Variants in ZBTB16 observed in about 807,000 individuals in gnomAD.
ZBTB16 encodes zinc finger and BTB domain-containing protein 16.
A neutral mutation model predicts 56.8 loss-of-function variants in ZBTB16; 8 were observed. That is an observed-to-expected ratio of 0.14 (90% CI 0.08 to 0.25). The LOEUF is 0.25. ZBTB16 is among the 10% of genes least tolerant of loss of function. The pLI is 1.00. For missense variants in ZBTB16, 625 were observed against 903.0 expected (o/e 0.69, Z 3.95); for synonymous variants, 363 against 368.5 (o/e 0.98, Z 0.17).
intron 4 of ZBTB16, chr11:114,189,198 T>C (rs947195421): frequency 6.6e-5 from 10 of 152,194 alleles, no homozygotes; most frequent in African/African-American, 2.2e-4. Flanking sequence ...GAGGAACTTA[T>C]AGCTAGAAAT....
intron 4 of ZBTB16, among the ~76,000 whole-genome samples, chr11:114,219,512 T>G (rs1288716813): frequency 6.6e-6 from 1 of 152,040 alleles, no homozygotes; most frequent in Non-Finnish European, 1.5e-5. Context: ...CTTATTCCAA[T>G]CAGAAGATTT....
At chr11:114,206,868 A>G (rs981484327) in intron 4 of ZBTB16, among the ~76,000 whole-genome samples, 1 of 152,142 alleles carries the variant, frequency 6.6e-6, no homozygotes, top group African/African-American at 2.4e-5. Context: ...TGCACACAGC[A>G]TTTCCCCCAT....
chr11:114,168,437 A>G (rs1942854570), intron 3 of ZBTB16, among the ~76,000 whole-genome samples: 1 of 152,196 alleles, frequency 6.6e-6, no homozygotes, highest in Non-Finnish European at 1.5e-5. Context: ...GGAAGGAGAG[A>G]AAGACATTTA....
intron 2 of ZBTB16, among the ~76,000 whole-genome samples, chr11:114,134,698 A>C (rs974314439): frequency 5.3e-5 from 8 of 152,208 alleles, no homozygotes; most frequent in Non-Finnish European, 8.8e-5. Flanking sequence ...AAAATCCTCA[A>C]ATGTGCTAAA....
chr11:114,158,194 C>T (rs555652953), intron 3 of ZBTB16, among the ~76,000 whole-genome samples: 5 of 152,116 alleles, frequency 3.3e-5, no homozygotes, highest in Admixed American at 6.5e-5. Flanking sequence ...GAGTGTGGTG[C>T]GTCCTGCCCT....
At chr11:114,244,787 C>G (rs1275103839) in intron 5 of ZBTB16, among the ~76,000 whole-genome samples, 2 of 152,020 alleles carry the variant, frequency 1.3e-5, no homozygotes, top group Non-Finnish European at 2.9e-5. Context: ...CTGTCTTAAC[C>G]CTTTGTTTTT....
rs571916025 is a variant in ZBTB16, at chr11:114,215,388, G to T, written c.1454-26779G>T. 2.6e-5 allele frequency among the ~76,000 whole-genome samples: 4 copies of T among 152,242 alleles called. No individual in the cohort carries two copies. In the South Asian group the frequency reaches 8.3e-4, roughly 32 times the overall value. Reference sequence around the variant, plus strand: ...TTCTTCATTCTGGAGGATTGAGATGGGTTACCTTCCCTGCCAGTCCAGGAT... The same window carrying T: ...TTCTTCATTCTGGAGGATTGAGATGTGTTACCTTCCCTGCCAGTCCAGGAT... On this transcript the variant is annotated intron_variant, in intron 4 of 6. Coordinates refer to ENST00000335953, the MANE Select transcript of ZBTB16 (RefSeq NM_006006.6).
intron 3 of ZBTB16, among the ~76,000 whole-genome samples, chr11:114,167,394 T>G (rs1351527643): frequency 3.9e-5 from 5 of 126,980 alleles, no homozygotes; most frequent in Non-Finnish European, 3.2e-5. Context: ...TTGTTTTTTT[T>G]TTTTTTTAAA....
chr11:114,235,085 AG>A (rs1944536930), intron 4 of ZBTB16, among the ~76,000 whole-genome samples: 1 of 152,144 alleles, frequency 6.6e-6, no homozygotes, highest in Non-Finnish European at 1.5e-5. Context: ...GTTTAAATCA[AG>A]GTTTTCACAC....
chr11:114,195,534 G>A (rs900813192), intron 4 of ZBTB16, among the ~76,000 whole-genome samples: 1 of 152,150 alleles, frequency 6.6e-6, no homozygotes, highest in African/African-American at 2.4e-5. Flanking sequence ...GAAAGTTTGA[G>A]CCCTAACAGA....
intron 2 of ZBTB16, among the ~76,000 whole-genome samples, chr11:114,119,483 C>T (rs1438803286): frequency 6.6e-6 from 1 of 151,894 alleles, no homozygotes; most frequent in Non-Finnish European, 1.5e-5. Flanking sequence ...AATGCAGTGT[C>T]GACTGCTATT....
intron 2 of ZBTB16, among the ~76,000 whole-genome samples, chr11:114,151,064 A>T (rs1418489024): frequency 6.6e-6 from 1 of 152,134 alleles, no homozygotes; most frequent in Non-Finnish European, 1.5e-5. Context: ...ATCTTACAGA[A>T]TCTCCCGTCT....
chr11:114,146,862 AAAAACC>A (rs960271224), intron 2 of ZBTB16, among the ~76,000 whole-genome samples: 3 of 151,952 alleles, frequency 2.0e-5, no homozygotes, highest in Admixed American at 6.5e-5. Flanking sequence ...AAAAAAAAAA[AAAAACC>A]AAAACCTGGG....
intron 4 of ZBTB16, among the ~76,000 whole-genome samples, chr11:114,203,746 T>C (rs183985262): frequency 6.6e-6 from 1 of 152,310 alleles, no homozygotes; most frequent in African/African-American, 2.4e-5. Context: ...CTTTGCATCA[T>C]AGTGACCATT....
intron 2 of ZBTB16, among the ~76,000 whole-genome samples, chr11:114,066,661 T>G (rs538056742): frequency 3.1e-4 from 47 of 152,010 alleles, no homozygotes; most frequent in Middle Eastern, 3.4e-3. Context: ...AGAGGGAGAG[T>G]TGGCCATGTT....
intron 2 of ZBTB16, among the ~76,000 whole-genome samples, chr11:114,138,045 A>G (rs1425051040): frequency 6.6e-6 from 1 of 152,112 alleles, no homozygotes; most frequent in Non-Finnish European, 1.5e-5. Flanking sequence ...ATGGAGTGGG[A>G]TGAAAGGGTG....
intron 2 of ZBTB16, among the ~76,000 whole-genome samples, chr11:114,082,114 T>TC (rs150038900): frequency 3.1e-5 from 4 of 130,110 alleles, no homozygotes; most frequent in Non-Finnish European, 4.8e-5. Flanking sequence ...AGACGATCTT[T>TC]ACAAAAAAAA....
At chr11:114,097,235 C>T (rs888268490) in intron 2 of ZBTB16, among the ~76,000 whole-genome samples, 1 of 152,154 alleles carries the variant, frequency 6.6e-6, no homozygotes, top group Non-Finnish European at 1.5e-5. Context: ...CTATATGAGG[C>T]ATCTGTGCTT....
chr11:114,144,676 A>G (rs1301605800), intron 2 of ZBTB16, among the ~76,000 whole-genome samples: 2 of 152,002 alleles, frequency 1.3e-5, no homozygotes, highest in African/African-American at 2.4e-5. Flanking sequence ...CGTGGGTCCC[A>G]CTCCTGGAGC....
Sources: allele counts gnomAD v4.1 joint callset (sites outside exome capture counted in the v4.1 genomes callset), GRCh38; gene constraint gnomAD v4.1.1; transcripts MANE v1.5; gene names NCBI Gene and HGNC (gene_info 2026-07-23, HGNC 2026-07-21).